The following CNTNAP4 variants were observed in gnomAD, a reference collection of about 807,000 sequenced individuals.
CNTNAP4 encodes the protein contactin-associated protein-like 4.
A neutral mutation model predicts 148.4 loss-of-function variants in CNTNAP4; 98 were observed. The observed-to-expected ratio is 0.66, with a 90% CI of 0.56 to 0.78. The LOEUF (loss-of-function observed/expected upper bound fraction) is 0.78. Ranked by LOEUF, CNTNAP4 falls within the 30% of genes least tolerant of loss-of-function variation. CNTNAP4 has a pLI of 0.00. For missense variants in CNTNAP4, 1,935 were observed against 1,565.6 expected (o/e 1.24, Z -3.98); for synonymous variants, 730 against 565.1 (o/e 1.29, Z -4.14).
chr16:76,526,141 A>G lies in CNTNAP4; in HGVS notation c.2755+3884A>G, dbSNP rs138695946. Among the ~76,000 whole-genome samples, 216 of 152,244 alleles carry G rather than the reference A, an allele frequency of 1.4e-3. 3 individuals are homozygous for G. The East Asian group carries it at 0.037, about 26-fold the overall frequency. Reference sequence around the variant, plus strand: ...CTTCTCTGGAGTCCTCTCTAGCGACATTAGCAGAGTCCTCCTAATTTGAGC... The same window carrying G: ...CTTCTCTGGAGTCCTCTCTAGCGACGTTAGCAGAGTCCTCCTAATTTGAGC... On this transcript the variant is annotated intron_variant, in intron 17 of 23. Coordinates refer to ENST00000611870, the MANE Select transcript of CNTNAP4 (RefSeq NM_033401.5).
At chr16:76,309,063 T>C (rs1241946125) in intron 1 of CNTNAP4, among the ~76,000 whole-genome samples, 1 of 151,930 alleles carries the variant, frequency 6.6e-6, no homozygotes, top group African/African-American at 2.4e-5. Context: ...ACCTTGGCCT[T>C]GAAAGTGCTG....
At chr16:76,526,290 G>T (rs2083727960) in intron 17 of CNTNAP4, among the ~76,000 whole-genome samples, 1 of 152,144 alleles carries the variant, frequency 6.6e-6, no homozygotes, top group African/African-American at 2.4e-5. Context: ...AAACAATGTG[G>T]CTGGAAAGAA....
intron 3 of CNTNAP4, among the ~76,000 whole-genome samples, chr16:76,394,355 C>T (rs1019235348): frequency 5.9e-5 from 9 of 152,106 alleles, no homozygotes; most frequent in Admixed American, 2.6e-4. Flanking sequence ...CACGTACACA[C>T]TTCATAGTGT....
intron 3 of CNTNAP4, among the ~76,000 whole-genome samples, chr16:76,380,097 A>G (rs1488811322): frequency 6.6e-6 from 1 of 152,198 alleles, no homozygotes; most frequent in Non-Finnish European, 1.5e-5. Context: ...AGTCTGTTGT[A>G]GTATTTCAAG....
intron 3 of CNTNAP4, among the ~76,000 whole-genome samples, chr16:76,361,635 C>G (rs2013450427): frequency 6.6e-6 from 1 of 152,122 alleles, no homozygotes; most frequent in African/African-American, 2.4e-5. Context: ...GTGCAGATGT[C>G]TCTTTGAGAT....
chr16:76,286,422 G>C (rs74024976), intron 1 of CNTNAP4, among the ~76,000 whole-genome samples: 3,240 of 152,014 alleles, frequency 0.021, 109 homozygotes, highest in African/African-American at 0.075. Flanking sequence ...GGTCTTCTTG[G>C]CTCTAGTTTA....
intron 8 of CNTNAP4, among the ~76,000 whole-genome samples, chr16:76,456,934 A>G (rs1335872148): frequency 1.3e-5 from 2 of 152,092 alleles, no homozygotes; most frequent in Non-Finnish European, 2.9e-5. Flanking sequence ...TGAGAATGAT[A>G]AGTTATAGTG....
At chr16:76,346,163 T>C (rs1964884089) in intron 2 of CNTNAP4, among the ~76,000 whole-genome samples, 1 of 152,190 alleles carries the variant, frequency 6.6e-6, no homozygotes, top group Non-Finnish European at 1.5e-5. Flanking sequence ...ACAAATCTCA[T>C]GAATTGGGAA....
At chr16:76,337,634 A>C (rs1964130847) in intron 2 of CNTNAP4, among the ~76,000 whole-genome samples, 1 of 152,194 alleles carries the variant, frequency 6.6e-6, no homozygotes, top group African/African-American at 2.4e-5. Context: ...GTTCGAGAGC[A>C]GACAACTGAT....
chr16:76,353,131 T>C (rs530355646), intron 2 of CNTNAP4, among the ~76,000 whole-genome samples: 3 of 152,294 alleles, frequency 2.0e-5, no homozygotes, highest in East Asian at 3.9e-4. Context: ...ACTTGTAGCA[T>C]GTAAAAAATT....
In CNTNAP4 at chr16:76,560,138, A is replaced by G. The variant is rs1019424446; in HGVS notation, c.*1455A>G. 2.0e-5 allele frequency among the ~76,000 whole-genome samples: 3 copies of G among 152,218 alleles called. No homozygotes were observed. The highest frequency in any genetic ancestry group is 6.5e-5 in the Admixed American group (1 of 15,282). On this transcript the variant is annotated 3_prime_UTR_variant, in exon 24 of 24. Coordinates refer to ENST00000611870, the MANE Select transcript of CNTNAP4 (RefSeq NM_033401.5). ...TCTTTGAATTCTGCAAGCCAATCAT[A>G]CAATAAAGGCACTCTATTATACATA...
At chr16:76,308,576 G>A (rs573082877) in intron 1 of CNTNAP4, among the ~76,000 whole-genome samples, 4 of 152,264 alleles carry the variant, frequency 2.6e-5, no homozygotes, top group Middle Eastern at 3.4e-3. Flanking sequence ...TCACAGTCCC[G>A]TGAAACAGTA....
intron 2 of CNTNAP4, among the ~76,000 whole-genome samples, chr16:76,351,767 T>C (rs2011803969): frequency 6.6e-6 from 1 of 152,216 alleles, no homozygotes; most frequent in Admixed American, 6.5e-5. Flanking sequence ...TGAGCAGCGC[T>C]AGGAAGAGGG....
chr16:76,500,114 G>C (rs9932350), intron 15 of CNTNAP4, among the ~76,000 whole-genome samples: 2 of 151,914 alleles, frequency 1.3e-5, no homozygotes, highest in African/African-American at 4.8e-5. Flanking sequence ...GAGGGGCTCC[G>C]CACTTCCCAG....
chr16:76,399,438 A>G (rs1254171345), intron 3 of CNTNAP4, among the ~76,000 whole-genome samples: 1 of 152,210 alleles, frequency 6.6e-6, no homozygotes, highest in Admixed American at 6.5e-5. Flanking sequence ...ATTGTTTCTC[A>G]AAAGGCAAAT....
Position 76,417,064 on chromosome 16 carries a change from T to C in CNTNAP4, c.391-10388T>C, listed in dbSNP as rs367828101. On this transcript the variant is annotated intron_variant, in intron 3 of 23. Transcript: ENST00000611870. ...TTTATTAGTGTTAACGTGTGATATATCTTTCTTCATCCATTTACTTTTAAT... is the reference window on the plus strand; with the variant it reads ...TTTATTAGTGTTAACGTGTGATATACCTTTCTTCATCCATTTACTTTTAAT... Among the ~76,000 whole-genome samples the C allele has an allele frequency of 2.1e-3, 316 of 151,576 alleles. 2 individuals are homozygous for C. The highest frequency in any genetic ancestry group is 7.2e-3 in the African/African-American group (300 of 41,502).
At chr16:76,404,844 A>G (rs1331290914) in intron 3 of CNTNAP4, among the ~76,000 whole-genome samples, 1 of 152,128 alleles carries the variant, frequency 6.6e-6, no homozygotes, top group Non-Finnish European at 1.5e-5. Context: ...TGTACTGTAT[A>G]TTTCAAAATT....
chr16:76,305,488 A>G (rs1017865450), intron 1 of CNTNAP4, among the ~76,000 whole-genome samples: 11 of 151,814 alleles, frequency 7.2e-5, no homozygotes, highest in African/African-American at 2.7e-4. Context: ...ATTTATTTTC[A>G]TTGCCCGTTT....
chr16:76,300,032 A>G (rs188545234), intron 1 of CNTNAP4, among the ~76,000 whole-genome samples: 12 of 152,126 alleles, frequency 7.9e-5, no homozygotes, highest in Non-Finnish European at 1.5e-4. Context: ...ATTAGGAGAT[A>G]TGCCTAATGT....
Sources: allele counts gnomAD v4.1 joint callset (sites outside exome capture counted in the v4.1 genomes callset), GRCh38; gene constraint gnomAD v4.1.1; transcripts MANE v1.5; gene names NCBI Gene and HGNC (gene_info 2026-07-23, HGNC 2026-07-21).